NELL1: variants seen among roughly 807,000 people sequenced by gnomAD.
NELL1 encodes protein kinase C-binding protein NELL1.
In NELL1, 76 loss-of-function variants were observed where a neutral mutation model predicts 107.4. That is an observed-to-expected ratio of 0.71 (90% confidence interval 0.59 to 0.86). The LOEUF (loss-of-function observed/expected upper bound fraction) is 0.86. NELL1 is among the 40% of genes least tolerant of loss of function. The pLI is 0.00. For synonymous variants in NELL1, 353 were observed against 341.2 expected, an observed-to-expected ratio of 1.03 and a Z score of -0.38; for missense variants, 1,024 against 1,005.5, an observed-to-expected ratio of 1.02 and a Z score of -0.25.
At chr11:20,918,585 A>G (rs1337763126) in intron 6 of NELL1, among the ~76,000 whole-genome samples, 2 of 152,036 alleles carry the variant, frequency 1.3e-5, no homozygotes, top group Non-Finnish European at 1.5e-5. Context: ...GCAAAGTCAC[A>G]TCTTACATGG....
At chr11:20,719,920 A>G (rs1436934273) in intron 2 of NELL1, among the ~76,000 whole-genome samples, 1 of 152,146 alleles carries the variant, frequency 6.6e-6, no homozygotes, top group Non-Finnish European at 1.5e-5. Flanking sequence ...ACTTTTCTTT[A>G]TCTCGTCCAA....
chr11:20,711,370 A>C (rs1855109543), intron 2 of NELL1, among the ~76,000 whole-genome samples: 1 of 152,148 alleles, frequency 6.6e-6, no homozygotes, highest in South Asian at 2.1e-4. Flanking sequence ...CATTTAGGCC[A>C]TTCAATTCAA....
intron 12 of NELL1, among the ~76,000 whole-genome samples, chr11:21,032,445 A>G (rs1852985300): frequency 6.6e-6 from 1 of 152,186 alleles, no homozygotes; most frequent in Admixed American, 6.5e-5. Flanking sequence ...GCTGGAGTGC[A>G]GTGGCACGTC....
chr11:20,689,633 G>GC (rs1854405146), intron 2 of NELL1, among the ~76,000 whole-genome samples: 1 of 148,148 alleles, frequency 6.8e-6, no homozygotes, highest in Non-Finnish European at 1.5e-5. Flanking sequence ...TTTTATGGCT[G>GC]CATAGTATTC....
intron 13 of NELL1, among the ~76,000 whole-genome samples, chr11:21,196,298 C>A (rs952696493): frequency 1.7e-4 from 26 of 152,248 alleles, no homozygotes; most frequent in African/African-American, 5.8e-4. Context: ...TGGCTTCCTA[C>A]CGTACTTAGA....
At chr11:20,938,908 G>GTCTCTCTCTC (rs71443766) in intron 10 of NELL1, among the ~76,000 whole-genome samples, 2,426 of 144,534 alleles carry the variant, frequency 0.017, 75 homozygotes, top group African/African-American at 0.054. Flanking sequence ...TTCTCTCTCT[G>GTCTCTCTCTC]TCTCTCTCTC....
At chr11:20,710,906 T>A (rs1398577760) in intron 2 of NELL1, among the ~76,000 whole-genome samples, 1 of 152,052 alleles carries the variant, frequency 6.6e-6, no homozygotes. Context: ...CTTATTTGGA[T>A]CTTCTCTCTT....
intron 12 of NELL1, among the ~76,000 whole-genome samples, chr11:21,109,298 G>T (rs1408650549): frequency 6.6e-6 from 1 of 152,074 alleles, no homozygotes; most frequent in East Asian, 1.9e-4. Context: ...TAGACTCTTA[G>T]AATATGGGTA....
At chr11:21,182,965 A>G (rs1165782113) in intron 13 of NELL1, among the ~76,000 whole-genome samples, 1 of 151,834 alleles carries the variant, frequency 6.6e-6, no homozygotes, top group Non-Finnish European at 1.5e-5. Flanking sequence ...AACAAGAAGG[A>G]TGAAGTCCTG....
At chr11:21,410,654 G>A (rs1852353316) in intron 15 of NELL1, among the ~76,000 whole-genome samples, 2 of 152,130 alleles carry the variant, frequency 1.3e-5, no homozygotes, top group South Asian at 4.2e-4. Flanking sequence ...GCAATAAGAT[G>A]TAATATGTAA....
At chr11:21,290,939 C>T (rs1267570527) in intron 14 of NELL1, among the ~76,000 whole-genome samples, 1 of 152,124 alleles carries the variant, frequency 6.6e-6, no homozygotes, top group Admixed American at 6.5e-5. Context: ...TCTTCTCCCC[C>T]AAAGCATCAC....
chr11:21,538,184 G>A (rs1471517601), intron 16 of NELL1, among the ~76,000 whole-genome samples: 2 of 152,008 alleles, frequency 1.3e-5, no homozygotes, highest in Non-Finnish European at 2.9e-5. Flanking sequence ...AATGGCATAT[G>A]TTATCATCTA....
intron 4 of NELL1, among the ~76,000 whole-genome samples, chr11:20,860,051 A>C (rs1245630991): frequency 1.3e-5 from 2 of 152,138 alleles, no homozygotes; most frequent in Non-Finnish European, 2.9e-5. Flanking sequence ...TTCTCCTTGC[A>C]TTGGTTTCTG....
chr11:21,477,638 A>C (rs1333901015), intron 15 of NELL1, among the ~76,000 whole-genome samples: 1 of 152,034 alleles, frequency 6.6e-6, no homozygotes, highest in African/African-American at 2.4e-5. Flanking sequence ...AACTCTGCCC[A>C]AAAACAATGA....
chr11:20,852,476 T>C (rs1848811600), intron 4 of NELL1, among the ~76,000 whole-genome samples: 1 of 152,248 alleles, frequency 6.6e-6, no homozygotes, highest in African/African-American at 2.4e-5. Flanking sequence ...CTTTTCATAA[T>C]GAAATCTGTT....
At chr11:21,391,282 CTG>C (rs1375143660) in intron 15 of NELL1, among the ~76,000 whole-genome samples, 1 of 151,748 alleles carries the variant, frequency 6.6e-6, no homozygotes, top group Non-Finnish European at 1.5e-5. Context: ...CTCTGAGAAA[CTG>C]TGGCCGTTTT....
At chr11:20,845,562 A>C (rs1848688560) in intron 3 of NELL1, among the ~76,000 whole-genome samples, 1 of 152,194 alleles carries the variant, frequency 6.6e-6, no homozygotes, top group Non-Finnish European at 1.5e-5. Context: ...TAGGATCTCA[A>C]ATATAAGCTC....
chr11:21,404,259 C>T (rs72961939), intron 15 of NELL1, among the ~76,000 whole-genome samples: 12,173 of 151,820 alleles, frequency 0.08, 537 homozygotes, highest in Middle Eastern at 0.14. Context: ...CTTATATTTT[C>T]CTTTTACTGG....
intron 10 of NELL1, among the ~76,000 whole-genome samples, chr11:20,943,573 C>T (rs866747224): frequency 6.6e-6 from 1 of 152,072 alleles, no homozygotes; most frequent in South Asian, 2.1e-4. Context: ...CAGTACAAGA[C>T]CCCATTTCAA....
Sources: allele counts gnomAD v4.1 joint callset (sites outside exome capture counted in the v4.1 genomes callset), GRCh38; gene constraint gnomAD v4.1.1; transcripts MANE v1.5; gene names NCBI Gene and HGNC (gene_info 2026-07-23, HGNC 2026-07-21).